The following RYR2 variants were observed in gnomAD, a reference collection of about 807,000 sequenced individuals.
RYR2 encodes ryanodine receptor 2.
Under a neutral mutation model 601.1 loss-of-function variants are expected in RYR2, and 227 were observed. The ratio of observed to expected loss-of-function variants is 0.38; its 90% CI spans 0.34 to 0.42. The LOEUF is 0.42. Ranked by LOEUF, RYR2 falls within the 10% of genes least tolerant of loss-of-function variation. The pLI is 1.00. For synonymous variants in RYR2, 2,223 were observed against 2,175.1 expected, an observed-to-expected ratio of 1.02 and a Z score of -0.61; for missense variants, 4,646 against 6,156.5, an observed-to-expected ratio of 0.75 and a Z score of 8.21.
intron 12 of RYR2, among the ~76,000 whole-genome samples, chr1:237,425,285 C>T (rs1706035221): frequency 6.6e-6 from 1 of 151,974 alleles, no homozygotes; most frequent in African/African-American, 2.4e-5. Flanking sequence ...CGCACACAAC[C>T]TTGCAACATG....
intron 3 of RYR2, among the ~76,000 whole-genome samples, chr1:237,342,278 GA>G (rs1434802715): frequency 6.6e-6 from 1 of 151,012 alleles, no homozygotes; most frequent in East Asian, 1.9e-4. Flanking sequence ...GAGTAGCCAG[GA>G]CCACAGGCAC....
At chr1:237,655,022 A>G (rs1683105653) in intron 52 of RYR2, among the ~76,000 whole-genome samples, 1 of 152,224 alleles carries the variant, frequency 6.6e-6, no homozygotes, top group South Asian at 2.1e-4. Flanking sequence ...TTCAATTCCC[A>G]GATTGACATT....
intron 63 of RYR2, among the ~76,000 whole-genome samples, chr1:237,696,102 C>G (rs1382836010): frequency 6.6e-6 from 1 of 152,178 alleles, no homozygotes; most frequent in Non-Finnish European, 1.5e-5. Flanking sequence ...AAATCCCAGC[C>G]TGCCAGGCTT....
At chr1:237,528,097 A>C (rs1285481027) in intron 24 of RYR2, among the ~76,000 whole-genome samples, 1 of 152,190 alleles carries the variant, frequency 6.6e-6, no homozygotes, top group Non-Finnish European at 1.5e-5. Context: ...CAATGCACAA[A>C]ATTAAAGATG....
At chr1:237,738,503 T>A (rs933079321) in intron 79 of RYR2, among the ~76,000 whole-genome samples, 5 of 152,118 alleles carry the variant, frequency 3.3e-5, no homozygotes, top group Non-Finnish European at 7.4e-5. Flanking sequence ...ATGCCCTTGC[T>A]TTTCTTTTCA....
chr1:237,547,067 G>A (rs181530976), intron 25 of RYR2, among the ~76,000 whole-genome samples: 12 of 149,856 alleles, frequency 8.0e-5, no homozygotes, highest in Admixed American at 2.0e-4. Flanking sequence ...GAGCAGTGGC[G>A]TGATCTCTCC....
In RYR2 at chr1:237,448,147, G is replaced by A. The variant is rs113291480; in HGVS notation, c.1292+2625G>A. Among the ~76,000 whole-genome samples, 960 of 151,986 alleles carry A rather than the reference G, an allele frequency of 6.3e-3. 21 individuals are homozygous for A. The East Asian group carries it at 0.079, about 13-fold the overall frequency. ...TCACCATGTTGCCCAGGCTGGTCTC[G>A]AACACCTGATCTCAAGTGATCCACC... On this transcript the variant is annotated intron_variant, in intron 14 of 104. Coordinates refer to ENST00000366574, the MANE Select transcript of RYR2 (RefSeq NM_001035.3).
chr1:237,260,255 C>T (rs1393013297), intron 1 of RYR2, among the ~76,000 whole-genome samples: 3 of 152,104 alleles, frequency 2.0e-5, no homozygotes, highest in East Asian at 3.8e-4. Context: ...AAATACGCAC[C>T]CAGAGGAACT....
intron 1 of RYR2, among the ~76,000 whole-genome samples, chr1:237,238,375 A>G (rs1373826176): frequency 6.6e-6 from 1 of 152,178 alleles, no homozygotes; most frequent in Non-Finnish European, 1.5e-5. Context: ...AAACCAAAGT[A>G]TACCTTACAT....
chr1:237,093,098 C>T (rs940916813), intron 1 of RYR2, among the ~76,000 whole-genome samples: 1 of 152,132 alleles, frequency 6.6e-6, no homozygotes, highest in African/African-American at 2.4e-5. Flanking sequence ...AAGTGTGACG[C>T]GTTTCACCAA....
chr1:237,543,527 A>C (rs927331742), intron 25 of RYR2, among the ~76,000 whole-genome samples: 2 of 152,112 alleles, frequency 1.3e-5, no homozygotes, highest in Non-Finnish European at 2.9e-5. Context: ...CAGTCATCTG[A>C]GATTTCTCAT....
chr1:237,690,599 C>A (rs375026359), intron 63 of RYR2, among the ~76,000 whole-genome samples: 1 of 152,174 alleles, frequency 6.6e-6, no homozygotes. Context: ...CAGTGGCTCA[C>A]GCCTGGAATC....
intron 1 of RYR2, among the ~76,000 whole-genome samples, chr1:237,169,071 G>A (rs2148895947): frequency 6.6e-6 from 1 of 152,276 alleles, no homozygotes; most frequent in Non-Finnish European, 1.5e-5. Flanking sequence ...CCTTGGGTAT[G>A]TCATGGTTAT....
chr1:237,368,530 C>G (rs1700379373), intron 5 of RYR2, among the ~76,000 whole-genome samples: 1 of 152,158 alleles, frequency 6.6e-6, no homozygotes, highest in African/African-American at 2.4e-5. Flanking sequence ...AAAGTAGTCT[C>G]TGGACCAACG....
At chr1:237,291,963 C>A (rs572590983) in intron 2 of RYR2, among the ~76,000 whole-genome samples, 1 of 152,114 alleles carries the variant, frequency 6.6e-6, no homozygotes, top group Non-Finnish European at 1.5e-5. Flanking sequence ...ATTGTAACAG[C>A]GGTGTCACTT....
intron 2 of RYR2, among the ~76,000 whole-genome samples, chr1:237,276,890 C>T (rs537258694): frequency 1.3e-5 from 2 of 152,036 alleles, no homozygotes; most frequent in South Asian, 2.1e-4. Flanking sequence ...TATTCCAAAG[C>T]ATAATAAAAG....
chr1:237,439,876 T>G (rs1707746090), intron 12 of RYR2, among the ~76,000 whole-genome samples: 1 of 152,032 alleles, frequency 6.6e-6, no homozygotes, highest in Non-Finnish European at 1.5e-5. Context: ...TCTGAAGAGA[T>G]AATTACAGTG....
chr1:237,588,897 A>T (rs74232361), intron 29 of RYR2, among the ~76,000 whole-genome samples: 2,855 of 151,820 alleles, frequency 0.019, 37 homozygotes, highest in Non-Finnish European at 0.025. Flanking sequence ...CTTGTGAAAA[A>T]AAAAATCTCA....
chr1:237,582,444 T>C (rs1453332929), intron 29 of RYR2, among the ~76,000 whole-genome samples: 1 of 151,928 alleles, frequency 6.6e-6, no homozygotes, highest in Non-Finnish European at 1.5e-5. Context: ...AAATCAACTT[T>C]GATTTTAGAT....
Sources: allele counts gnomAD v4.1 joint callset (sites outside exome capture counted in the v4.1 genomes callset), GRCh38; gene constraint gnomAD v4.1.1; transcripts MANE v1.5; gene names NCBI Gene and HGNC (gene_info 2026-07-23, HGNC 2026-07-21).